Variants in NCAM2 observed in about 807,000 individuals in gnomAD.
NCAM2 encodes N-CAM-2.
NCAM2 carries 30 observed loss-of-function variants against 98.1 expected under a neutral mutation model. The observed-to-expected ratio is 0.31, with a 90% CI of 0.23 to 0.41. The LOEUF (loss-of-function observed/expected upper bound fraction) is 0.41. Among genes scored for constraint, NCAM2 ranks in the 10% least tolerant of loss-of-function variants. NCAM2 has a pLI of 1.00. For synonymous variants in NCAM2, 368 were observed against 342.4 expected (o/e 1.07, Z -0.83); for missense variants, 867 against 1,005.8 (o/e 0.86, Z 1.87).
chr21:21,343,632 G>C (rs1602048475), intron 8 of NCAM2, among the ~76,000 whole-genome samples: 1 of 152,146 alleles, frequency 6.6e-6, no homozygotes, highest in East Asian at 1.9e-4. Context: ...GAGCAGAAAG[G>C]AAAACAAGAC....
At chr21:21,121,525 G>A (rs532960742) in intron 1 of NCAM2, among the ~76,000 whole-genome samples, 1 of 151,538 alleles carries the variant, frequency 6.6e-6, no homozygotes, top group South Asian at 2.1e-4. Context: ...TAATTATGAA[G>A]GTAAAGCTAT....
rs916499417 is a variant in NCAM2 at position 21,473,375 on chromosome 21, T to C, written c.1897-3916T>C. Among the ~76,000 whole-genome samples the C allele has an allele frequency of 4.1e-5, 5 of 121,248 alleles. No individual in the cohort carries two copies. The East Asian group carries it at 8.7e-4, about 21-fold the overall frequency. 79.5% of individuals were successfully genotyped at this position (121,248 alleles called of 152,430 possible). ...ATAATATACAAAATATATGTATAAA[T>C]ATATATATATATATATATTATATAT... On this transcript the variant is annotated intron_variant, in intron 14 of 17. Transcript: ENST00000400546.
intron 9 of NCAM2, among the ~76,000 whole-genome samples, chr21:21,377,588 G>A (rs1324990598): frequency 6.6e-6 from 1 of 151,742 alleles, no homozygotes; most frequent in Non-Finnish European, 1.5e-5. Context: ...AACAATAATT[G>A]TATCCATTTA....
intron 5 of NCAM2, among the ~76,000 whole-genome samples, chr21:21,300,134 T>C (rs538404337): frequency 6.9e-6 from 1 of 145,578 alleles, no homozygotes; most frequent in East Asian, 2.0e-4. Context: ...GAGGGCTGAC[T>C]GTATAGTCAT....
intron 1 of NCAM2, among the ~76,000 whole-genome samples, chr21:21,146,653 A>T (rs914590214): frequency 2.6e-5 from 4 of 151,364 alleles, no homozygotes; most frequent in African/African-American, 7.3e-5. Flanking sequence ...GAACAGCTTT[A>T]AAAAAAACTT....
rs190353867 is a variant in NCAM2, at chr21:21,284,301, A to G, written c.238A>G (p.Ile80Val). Residue 80 changes from isoleucine (I) to valine (V), a missense_variant, in exon 3 of 18, where the codon ATC (isoleucine) becomes GTC (valine). Ile to Val is a conservative substitution (Grantham distance 29). Coordinates refer to ENST00000400546, the MANE Select transcript of NCAM2 (RefSeq NM_004540.5). ...QKEGVRSRLT[I>V]YNANIEDAGI... ...GGAAGGTGTTAGGTCACGGTTAACC[A>G]TCTACAATGCAAATATAGAAGATGC... 2.5e-5 allele frequency: 41 copies of G among 1,612,346 alleles called. No individual in the cohort carries two copies. The African/African-American group carries it at 5.2e-4, about 20-fold the overall frequency.
intron 16 of NCAM2, among the ~76,000 whole-genome samples, chr21:21,533,801 TAA>T (rs1989840922): frequency 1.3e-5 from 2 of 151,962 alleles, no homozygotes; most frequent in Non-Finnish European, 2.9e-5. Context: ...TGAAACATTA[TAA>T]TAAGTTTTCT....
intron 1 of NCAM2, among the ~76,000 whole-genome samples, chr21:21,046,938 A>C (rs2146280420): frequency 6.6e-6 from 1 of 152,284 alleles, no homozygotes; most frequent in African/African-American, 2.4e-5. Flanking sequence ...TTTTTCTCTA[A>C]GTGATATTTT....
chr21:21,452,749 T>C (rs1285091723), intron 12 of NCAM2, among the ~76,000 whole-genome samples: 9 of 107,898 alleles, frequency 8.3e-5, no homozygotes, highest in African/African-American at 3.4e-4. Flanking sequence ...ATATAATATA[T>C]AATATATTAC....
intron 10 of NCAM2, among the ~76,000 whole-genome samples, chr21:21,414,850 A>C (rs540448799): frequency 6.6e-6 from 1 of 152,312 alleles, no homozygotes; most frequent in Non-Finnish European, 1.5e-5. Flanking sequence ...ATGTTGGGTT[A>C]GCCAGCATGA....
At chr21:21,046,074 A>G (rs1008681416) in intron 1 of NCAM2, among the ~76,000 whole-genome samples, 2 of 152,198 alleles carry the variant, frequency 1.3e-5, no homozygotes, top group Non-Finnish European at 2.9e-5. Context: ...ATGATGCTTA[A>G]ATCCAAGTAT....
chr21:21,378,965 G>T (rs1488263923), intron 9 of NCAM2, among the ~76,000 whole-genome samples: 2 of 151,814 alleles, frequency 1.3e-5, no homozygotes, highest in African/African-American at 4.8e-5. Flanking sequence ...TACGGTTCGT[G>T]TTTTTTCTGA....
chr21:21,487,764 C>T (rs767569048), intron 15 of NCAM2, among the ~76,000 whole-genome samples: 26 of 152,074 alleles, frequency 1.7e-4, no homozygotes, highest in Non-Finnish European at 3.5e-4. Context: ...ACTATAATTA[C>T]TCATCAGTTC....
chr21:21,452,657 ATT>A (rs1239715070), intron 12 of NCAM2, among the ~76,000 whole-genome samples: 2 of 111,874 alleles, frequency 1.8e-5, no homozygotes, highest in South Asian at 2.4e-4. Context: ...AAATATATAT[ATT>A]ATATATATTT....
Position 21,466,650 on chromosome 21 carries a change from A to G in NCAM2, c.1699A>G (p.Ile567Val), listed in dbSNP as rs1983721097. The change falls in exon 13 of 18, where the codon ATC (isoleucine) becomes GTC (valine). Residue 567 changes from isoleucine to valine, a missense_variant. Coordinates refer to ENST00000400546, the MANE Select transcript of NCAM2 (RefSeq NM_004540.5). ...CCTGGAACCAAATACAACTTATGAA[A>G]TCAGGGTTGCAGCTGTAAATGGAAA... The part of the protein sequence containing the change: ...NNLEPNTTYE[I>V]RVAAVNGKGQ... 1 of 1,609,422 alleles carries G rather than the reference A, an allele frequency of 6.2e-7. No homozygotes were observed.
intron 1 of NCAM2, among the ~76,000 whole-genome samples, chr21:21,208,925 G>A (rs2069542794): frequency 6.6e-6 from 1 of 151,998 alleles, no homozygotes. Flanking sequence ...TTGAGATTGA[G>A]CTATAAGATT....
At chr21:21,521,968 A>G (rs565682985) in intron 16 of NCAM2, among the ~76,000 whole-genome samples, 2 of 150,726 alleles carry the variant, frequency 1.3e-5, no homozygotes, top group South Asian at 2.1e-4. Flanking sequence ...CCACATATAT[A>G]CATCATATTC....
chr21:21,527,406 T>A (rs1215936257), intron 16 of NCAM2, among the ~76,000 whole-genome samples: 2 of 152,074 alleles, frequency 1.3e-5, no homozygotes, highest in Non-Finnish European at 2.9e-5. Context: ...CATTGTTAAG[T>A]GAATGAAAAG....
intron 1 of NCAM2, among the ~76,000 whole-genome samples, chr21:21,058,508 A>G (rs555276730): frequency 6.6e-6 from 1 of 152,262 alleles, no homozygotes; most frequent in Non-Finnish European, 1.5e-5. Flanking sequence ...AAGGAAAAAT[A>G]AAAAGAAACA....
Sources: gnomAD v4.1 joint callset for allele counts (sites outside exome capture counted in the v4.1 genomes callset) on GRCh38, gnomAD v4.1.1 for gene constraint, MANE v1.5 for transcripts, NCBI Gene and HGNC (gene_info 2026-07-23, HGNC 2026-07-21) for gene names.